The following CSMD3 variants were observed in gnomAD, a reference collection of about 807,000 sequenced individuals.
CSMD3 encodes the protein CUB and Sushi multiple domains 3, also known as CUB and sushi domain-containing protein 3.
A neutral mutation model predicts 435.2 loss-of-function variants in CSMD3; 177 were observed. That is an observed-to-expected ratio of 0.41 (90% CI 0.36 to 0.46). The LOEUF (loss-of-function observed/expected upper bound fraction) is 0.46, where lower values mean the gene tolerates loss of function less well. Ranked by LOEUF, CSMD3 falls within the 20% of genes least tolerant of loss-of-function variation. The pLI, the probability that CSMD3 is intolerant of heterozygous loss-of-function variation, is 0.34. For missense variants in CSMD3, 4,265 were observed against 4,504.6 expected (o/e 0.95, Z 1.52); for synonymous variants, 1,656 against 1,520.5 (o/e 1.09, Z -2.07).
intron 10 of CSMD3, among the ~76,000 whole-genome samples, chr8:112,885,139 T>C (rs2081554168): frequency 6.6e-6 from 1 of 151,714 alleles, no homozygotes. Context: ...CCACATCTTA[T>C]TCCTGACTGG....
intron 31 of CSMD3, among the ~76,000 whole-genome samples, chr8:112,488,394 T>C (rs1026317738): frequency 1.3e-5 from 2 of 152,194 alleles, no homozygotes; most frequent in Non-Finnish European, 2.9e-5. Flanking sequence ...GGCAACATTA[T>C]AAGAAAAAGC....
intron 55 of CSMD3, 121 bp from the exon 56 acceptor site, chr8:112,291,816 C>A: frequency 1.5e-6 from 1 of 666,656 alleles, no homozygotes; most frequent in Non-Finnish European, 2.6e-6. Context: ...AACCAGATTC[C>A]AATAATAAAA....
intron 10 of CSMD3, among the ~76,000 whole-genome samples, chr8:112,863,289 C>T (rs1210135764): frequency 1.3e-5 from 2 of 151,676 alleles, no homozygotes; most frequent in Non-Finnish European, 2.9e-5. Context: ...GAAATACAAC[C>T]TTTATTTCTC....
intron 4 of CSMD3, among the ~76,000 whole-genome samples, chr8:113,115,102 C>T (rs1311483295): frequency 6.6e-6 from 1 of 152,106 alleles, no homozygotes; most frequent in Non-Finnish European, 1.5e-5. Context: ...GAATCTCATC[C>T]TTGCTAACCT....
intron 13 of CSMD3, among the ~76,000 whole-genome samples, chr8:112,726,966 C>A (rs2076979337): frequency 6.6e-6 from 1 of 151,624 alleles, no homozygotes; most frequent in African/African-American, 2.4e-5. Context: ...CAATATAGTT[C>A]ATGACCAAGC....
intron 4 of CSMD3, among the ~76,000 whole-genome samples, chr8:113,153,166 GGAAGGAAA>G (rs1213877669): frequency 1.4e-5 from 2 of 139,600 alleles, no homozygotes; most frequent in Non-Finnish European, 3.1e-5. Flanking sequence ...AAGGAAGGAA[GGAAGGAAA>G]GAAGGAAGGG....
In CSMD3 at chr8:113,020,119, C is replaced by T. The variant is rs538883372; in HGVS notation, c.918-940G>A. Among the ~76,000 whole-genome samples, 36 of 140,390 alleles carry T rather than the reference C, an allele frequency of 2.6e-4. No homozygotes were observed. The East Asian group carries it at 4.3e-3, about 17-fold the overall frequency. The allele number at this position is 140,390 out of a possible 152,430, so 92.1% of individuals were successfully genotyped here. ...CGGAGCTTGCAGTGAGCCGAGATTG[C>T]GCCACTGCAGTCCGCAGTCCGGCCT... On this transcript the variant is annotated intron_variant, in intron 5 of 70. Transcript: ENST00000297405.
intron 3 of CSMD3, among the ~76,000 whole-genome samples, chr8:113,186,999 T>C (rs189392605): frequency 3.7e-4 from 57 of 152,026 alleles, no homozygotes; most frequent in Non-Finnish European, 7.2e-4. Context: ...TTTCAATTAA[T>C]ATTGGTGGAA....
intron 4 of CSMD3, among the ~76,000 whole-genome samples, chr8:113,137,219 G>A (rs756218551): frequency 4.0e-5 from 6 of 151,564 alleles, no homozygotes; most frequent in Non-Finnish European, 7.4e-5. Flanking sequence ...ACAATACAAC[G>A]TTGTTAACTA....
intron 35 of CSMD3, among the ~76,000 whole-genome samples, chr8:112,400,367 A>G (rs1831215507): frequency 6.6e-6 from 1 of 152,106 alleles, no homozygotes; most frequent in African/African-American, 2.4e-5. Flanking sequence ...CCACCTCCCA[A>G]TACAATCACC....
At chr8:113,220,626 T>C (rs1588302490) in intron 3 of CSMD3, among the ~76,000 whole-genome samples, 1 of 151,478 alleles carries the variant, frequency 6.6e-6, no homozygotes, top group African/African-American at 2.4e-5. Context: ...GTTGATGTGG[T>C]AATAAATCTA....
chr8:112,294,968 G>C (rs2130706826), intron 54 of CSMD3, among the ~76,000 whole-genome samples: 1 of 151,956 alleles, frequency 6.6e-6, no homozygotes, highest in East Asian at 1.9e-4. Flanking sequence ...AAGTTCTTTA[G>C]TGGTGATTTC....
chr8:112,289,174 T>C (rs1343085600), intron 57 of CSMD3, among the ~76,000 whole-genome samples, 191 bp downstream of exon 57: 1 of 152,134 alleles, frequency 6.6e-6, no homozygotes, highest in Admixed American at 6.6e-5. Context: ...ATCTACAACA[T>C]CAGTACCCTG....
intron 1 of CSMD3, among the ~76,000 whole-genome samples, chr8:113,400,026 G>A (rs1445551903): frequency 6.6e-6 from 1 of 151,514 alleles, no homozygotes; most frequent in Non-Finnish European, 1.5e-5. Flanking sequence ...GTTATGAAAG[G>A]CAATGGTGAC....
chr8:112,682,766 TTTTA>T (rs1451060434), intron 15 of CSMD3, 130 bp from the exon 16 acceptor site: 1 of 714,800 alleles, frequency 1.4e-6, no homozygotes, highest in Admixed American at 2.4e-5. Flanking sequence ...CTACACAAGT[TTTTA>T]TTTATTTACT....
chr8:112,758,749 A>G (rs938235146), intron 13 of CSMD3, among the ~76,000 whole-genome samples: 1 of 152,196 alleles, frequency 6.6e-6, no homozygotes, highest in African/African-American at 2.4e-5. Flanking sequence ...ACCTCATGAT[A>G]ACATTTAAAG....
chr8:113,017,198 G>T (rs2086495412), intron 6 of CSMD3, among the ~76,000 whole-genome samples: 1 of 151,830 alleles, frequency 6.6e-6, no homozygotes, highest in South Asian at 2.1e-4. Context: ...CTACAGTGAT[G>T]CTACTTTTCA....
intron 27 of CSMD3, among the ~76,000 whole-genome samples, chr8:112,521,749 G>C (rs1005390583): frequency 2.6e-5 from 4 of 151,512 alleles, no homozygotes; most frequent in African/African-American, 9.7e-5. Context: ...TTAGATATCT[G>C]GTAGGTTCCT....
At chr8:113,166,030 G>C (rs534779636) in intron 4 of CSMD3, among the ~76,000 whole-genome samples, 2 of 152,180 alleles carry the variant, frequency 1.3e-5, no homozygotes, top group South Asian at 4.1e-4. Context: ...AAGAACACCA[G>C]TGGATCTTTT....
Sources: gnomAD v4.1 joint callset for allele counts (sites outside exome capture counted in the v4.1 genomes callset) on GRCh38, gnomAD v4.1.1 for gene constraint, MANE v1.5 for transcripts, NCBI Gene and HGNC (gene_info 2026-07-23, HGNC 2026-07-21) for gene names.